Variants in KLHL42 observed in about 807,000 individuals in gnomAD.
KLHL42 encodes the protein kelch-like protein 42.
In KLHL42, 27 loss-of-function variants were observed where a neutral mutation model predicts 32.7. The ratio of observed to expected loss-of-function variants is 0.83; its 90% confidence interval spans 0.61 to 1.14. The LOEUF (loss-of-function observed/expected upper bound fraction) is 1.14. KLHL42 is among the 50% of genes most tolerant of loss of function. KLHL42 has a pLI of 0.00. For synonymous variants in KLHL42, 267 were observed against 248.2 expected (o/e 1.08, Z -0.71); for missense variants, 491 against 560.8 (o/e 0.88, Z 1.26).
rs1167670704 is a variant in KLHL42 at position 27,780,552 on chromosome 12, C to T, written c.222C>T (p.Ala74=). Residue 74 remains alanine (A), a synonymous_variant, in exon 1 of 3, where the codon GCC becomes GCT. Coordinates refer to ENST00000381271, the MANE Select transcript of KLHL42 (RefSeq NM_020782.2). This position sits in a 1 kb window ranked among gnomAD's most constrained non-coding sequence, Gnocchi z 8.8. The part of the protein sequence containing the change: ...LVLDFINAGG[A]REGWLLGPRG... ...TGGACTTCATCAACGCCGGCGGGGC[C>T]CGCGAAGGCTGGCTCCTGGGCCCGC... 3 of 1,529,988 alleles carry T rather than the reference C, an allele frequency of 2.0e-6. No homozygotes were observed. The African/African-American group carries it at 4.1e-5, about 21-fold the overall frequency. The allele number at this position is 1,529,988 out of a possible 1,614,324, so 94.8% of individuals were successfully genotyped here. A position where few individuals can be genotyped will look rare whatever the true frequency, so the allele number is the denominator to read the frequency against.
At chr12:27,784,146 T>G (rs1219623122) in intron 1 of KLHL42, among the ~76,000 whole-genome samples, 29 of 150,912 alleles carry the variant, frequency 1.9e-4, no homozygotes, top group Admixed American at 1.4e-3. Flanking sequence ...TTTGTTTTTT[T>G]TTTTTGGGGA....
intron 2 of KLHL42, among the ~76,000 whole-genome samples, chr12:27,795,859 C>T (rs1259920328): frequency 6.6e-6 from 1 of 152,110 alleles, no homozygotes; most frequent in African/African-American, 2.4e-5. Context: ...AAAGATCATT[C>T]CACCAACTCA....
rs2062253377 is a variant in KLHL42, at chr12:27,802,629, GA to G, written c.*4464del. On this transcript the variant is annotated 3_prime_UTR_variant, in exon 3 of 3. Coordinates refer to ENST00000381271, the MANE Select transcript of KLHL42 (RefSeq NM_020782.2). ...AATATAAAAGATGGTCAGTTTTGAAGAGCAAAGGGTGCTGAAATGACTTGTA... is the reference window on the plus strand; with the variant it reads ...AATATAAAAGATGGTCAGTTTTGAAGGCAAAGGGTGCTGAAATGACTTGTA... 6.6e-6 allele frequency: 1 copy of G among 152,610 alleles called. No homozygotes were observed. Among genetic ancestry groups the G allele is most frequent in the African/African-American group, 2.4e-5 (1 of 41,448 alleles). 9.5% of individuals were successfully genotyped at this position (152,610 alleles called of 1,614,324 possible). A position where few individuals can be genotyped will look rare whatever the true frequency, so the allele number is the denominator to read the frequency against.
intron 2 of KLHL42, chr12:27,797,179 G>T (rs1048321819): frequency 1.8e-5 from 8 of 448,944 alleles, no homozygotes; most frequent in South Asian, 1.6e-5. Flanking sequence ...TCTGTGGCTT[G>T]TTAGAAGGCC....
chr12:27,797,403 A>T, intron 2 of KLHL42: 1 of 515,014 alleles, frequency 1.9e-6, no homozygotes, highest in Non-Finnish European at 3.8e-6. Flanking sequence ...TTTTACACTG[A>T]CCTGGTGGTT....
At chr12:27,791,048 AAGACC>A (rs1448109180) in intron 1 of KLHL42, among the ~76,000 whole-genome samples, 1 of 152,192 alleles carries the variant, frequency 6.6e-6, no homozygotes, top group Non-Finnish European at 1.5e-5. Context: ...GTGACAGAGC[AAGACC>A]CTGTTTCATA....
At chr12:27,793,547 T>TAAAAA (rs1294299950) in intron 2 of KLHL42, among the ~76,000 whole-genome samples, 1 of 108,912 alleles carries the variant, frequency 9.2e-6, no homozygotes, top group Non-Finnish European at 1.9e-5. Flanking sequence ...GTCTCTAAAA[T>TAAAAA]AAAAAAAAAA....
chr12:27,784,913 T>C (rs1462677040), intron 1 of KLHL42, among the ~76,000 whole-genome samples: 2 of 152,264 alleles, frequency 1.3e-5, no homozygotes, highest in East Asian at 3.8e-4. Flanking sequence ...AATTGGCTTA[T>C]TTTCTTCACA....
intron 1 of KLHL42, chr12:27,788,047 G>A (rs1254412784): frequency 1.3e-5 from 2 of 152,180 alleles, no homozygotes; most frequent in Non-Finnish European, 2.9e-5. Context: ...AGTCCCTAGG[G>A]GAAGTTAATG....
chr12:27,781,269 G>A (rs2062147141), intron 1 of KLHL42, 67 bp downstream of exon 1: 1 of 1,534,856 alleles, frequency 6.5e-7, no homozygotes, highest in African/African-American at 1.4e-5. Flanking sequence ...CATTACCCCA[G>A]TGTTTACTGA....
chr12:27,780,870 C>T lies in KLHL42; in HGVS notation c.540C>T (p.Ser180=). The T allele has an allele frequency of 1.2e-6, 2 of 1,613,692 alleles. No homozygotes were observed. Among genetic ancestry groups the T allele is most frequent in the Non-Finnish European group, 1.7e-6 (2 of 1,179,770 alleles). The change falls in exon 1 of 3, where the codon AGC becomes AGT. Residue 180 remains serine (S), a synonymous_variant. Transcript: ENST00000381271. The surrounding 1 kb of genome is among the most constrained non-coding windows in gnomAD (Gnocchi z 8.8). The part of the protein sequence containing the change: ...GSPPQAPGDV[S]LKQRLREARM... The stretch of plus-strand genomic sequence containing the variant: ...CTCCCCAAGCTCCAGGGGATGTCAG[C>T]CTGAAGCAGAGGCTGAGGGAGGCCC...
At chr12:27,791,034 C>T (rs1025096875) in intron 1 of KLHL42, among the ~76,000 whole-genome samples, 1 of 152,166 alleles carries the variant, frequency 6.6e-6, no homozygotes, top group Non-Finnish European at 1.5e-5. Context: ...GCAGTCTAGC[C>T]TGGGTGACAG....
At chr12:27,781,298 G>T in intron 1 of KLHL42, 96 bp downstream of exon 1, 1 of 1,333,884 alleles carries the variant, frequency 7.5e-7, no homozygotes, top group Non-Finnish European at 1.0e-6. Flanking sequence ...ATAGGGGAGG[G>T]TGTGCTGTGG....
rs1164704710 is a variant in KLHL42 at position 27,802,860 on chromosome 12, C to G, written c.*4694C>G. On this transcript the variant is annotated 3_prime_UTR_variant, in exon 3 of 3. Coordinates refer to ENST00000381271, the MANE Select transcript of KLHL42 (RefSeq NM_020782.2). ...AATGAATAGTTATGTTTTGATATGA[C>G]TGATACTTTCTTTGTTAAAAGGTTG... The G allele has an allele frequency of 6.6e-6, 1 of 152,330 alleles. No homozygotes were observed. The highest frequency in any genetic ancestry group is 1.5e-5 in the Non-Finnish European group (1 of 68,034). The allele number at this position is 152,330 out of a possible 1,614,324, so 9.4% of individuals were successfully genotyped here.
chr12:27,787,422 G>T (rs1006000841), intron 1 of KLHL42, among the ~76,000 whole-genome samples: 3 of 151,430 alleles, frequency 2.0e-5, no homozygotes, highest in Non-Finnish European at 4.4e-5. Context: ...TTGAAACCGG[G>T]ATGGGGAGGT....
At chr12:27,785,109 G>A (rs1334297931) in intron 1 of KLHL42, among the ~76,000 whole-genome samples, 1 of 152,140 alleles carries the variant, frequency 6.6e-6, no homozygotes, top group Admixed American at 6.5e-5. Flanking sequence ...GAGAGCTATC[G>A]CCCCACCAAA....
chr12:27,782,308 T>C (rs1214888599), intron 1 of KLHL42, among the ~76,000 whole-genome samples: 2 of 152,168 alleles, frequency 1.3e-5, no homozygotes, highest in African/African-American at 4.8e-5. Flanking sequence ...TAATATGAAA[T>C]TCATTTTGAA....
intron 1 of KLHL42, among the ~76,000 whole-genome samples, chr12:27,784,607 A>G (rs1384879971): frequency 6.6e-6 from 1 of 152,126 alleles, no homozygotes; most frequent in Non-Finnish European, 1.5e-5. Flanking sequence ...CCTGAGCAAC[A>G]TAGTGAGACC....
chr12:27,788,251 T>C (rs1039385895), intron 1 of KLHL42: 11 of 152,168 alleles, frequency 7.2e-5, no homozygotes, highest in African/African-American at 2.7e-4. Context: ...ATAATGATGG[T>C]TTTCATTTCT....
Sources: allele counts gnomAD v4.1 joint callset (sites outside exome capture counted in the v4.1 genomes callset), GRCh38; gene constraint gnomAD v4.1.1; non-coding constraint Gnocchi (gnomAD v3.1); transcripts MANE v1.5; gene names NCBI Gene and HGNC (gene_info 2026-07-23, HGNC 2026-07-21).